Variants in UNC80 observed in about 807,000 individuals in gnomAD.
UNC80 encodes protein unc-80 homolog.
A neutral mutation model predicts 384.6 loss-of-function variants in UNC80; 164 were observed. That is an observed-to-expected ratio of 0.43 (90% CI 0.38 to 0.49). The LOEUF is 0.49. Ranked by LOEUF, UNC80 falls within the 20% of genes least tolerant of loss-of-function variation. The pLI, the probability that UNC80 is intolerant of heterozygous loss-of-function variation, is 0.00. For synonymous variants in UNC80, 1,486 were observed against 1,527.8 expected (o/e 0.97, Z 0.64); for missense variants, 3,330 against 4,143.0 (o/e 0.80, Z 5.39).
At chr2:209,969,611 C>T in intron 52 of UNC80, 157 bp from the exon 53 acceptor site, 2 of 984,122 alleles carry the variant, frequency 2.0e-6, no homozygotes, top group Non-Finnish European at 2.9e-6. Flanking sequence ...ATCTTCTTCC[C>T]CTCCCAGTAT....
intron 3 of UNC80, 123 bp from the exon 4 acceptor site, chr2:209,777,135 C>G: frequency 8.7e-7 from 1 of 1,148,106 alleles, no homozygotes; most frequent in Non-Finnish European, 1.2e-6. Context: ...AGAATGAGCC[C>G]TGCTAGCAGT....
intron 33 of UNC80, among the ~76,000 whole-genome samples, chr2:209,918,948 T>C (rs998005625): frequency 2.0e-5 from 3 of 152,192 alleles, no homozygotes; most frequent in African/African-American, 7.2e-5. Flanking sequence ...CTTTTGCCTC[T>C]ATTTATTACA....
rs574820009 is a variant in UNC80 at position 209,786,027 on chromosome 2, A to C, written c.601-39A>C. ...ATTGGTCCCTTTAAGCAGCTGTTAC[A>C]TGTCAGTTATTGGACATATATCTTC... On this transcript the variant is annotated intron_variant, in intron 4 of 64. Transcript: ENST00000673920. 1.9e-4 allele frequency: 306 copies of C among 1,603,768 alleles called. 1 individual carries two copies. In the South Asian group the frequency reaches 3.2e-3, roughly 17 times the overall value.
intron 30 of UNC80, among the ~76,000 whole-genome samples, chr2:209,913,216 CA>C (rs1263046672): frequency 6.6e-6 from 1 of 152,080 alleles, no homozygotes; most frequent in Non-Finnish European, 1.5e-5. Context: ...TTCTCCCCCC[CA>C]AAAAAATTGT....
At chr2:209,935,859 C>G in intron 40 of UNC80, 51 bp downstream of exon 40, 3 of 1,092,868 alleles carry the variant, frequency 2.7e-6, no homozygotes, top group Non-Finnish European at 4.0e-6. Context: ...GCTATGGCCA[C>G]CTCACTGAAG....
intron 21 of UNC80, among the ~76,000 whole-genome samples, chr2:209,843,933 G>A (rs969331175): frequency 1.2e-4 from 19 of 152,216 alleles, no homozygotes; most frequent in African/African-American, 4.3e-4. Flanking sequence ...ACTTAGTTCA[G>A]CATAATGAAG....
intron 23 of UNC80, among the ~76,000 whole-genome samples, chr2:209,875,820 C>T (rs2084729198): frequency 6.6e-6 from 1 of 152,168 alleles, no homozygotes; most frequent in Admixed American, 6.5e-5. Context: ...ACTTTGAGAC[C>T]TTCTGTGAGA....
At chr2:209,842,302 T>TA in intron 20 of UNC80, 48 bp from the exon 21 acceptor site, 2 of 1,374,166 alleles carry the variant, frequency 1.5e-6, no homozygotes, top group South Asian at 2.6e-5. Context: ...CACAAAGATT[T>TA]ACCTTTGAAT....
At chr2:209,775,289 C>T (rs1243819587) in intron 2 of UNC80, among the ~76,000 whole-genome samples, 2 of 151,994 alleles carry the variant, frequency 1.3e-5, no homozygotes, top group African/African-American at 2.4e-5. Flanking sequence ...TCCCTCCCTC[C>T]TTCCTGCTCT....
chr2:209,808,551 G>T (rs570738835), intron 7 of UNC80, among the ~76,000 whole-genome samples: 3 of 151,570 alleles, frequency 2.0e-5, no homozygotes, highest in Middle Eastern at 3.4e-3. Context: ...AAAGTAAGGC[G>T]GGCCCAGGCT....
At position 209,976,284 on chromosome 2, in the gene UNC80, G is replaced by A. The variant is rs772317430; in HGVS notation, c.8753G>A (p.Arg2918His). ...CGAATACCCATCTTTGTGCTTTTGCGCCCTTTCATCCAGTGCAAGGTGTGG... is the reference window on the plus strand; with the variant it reads ...CGAATACCCATCTTTGTGCTTTTGCACCCTTTCATCCAGTGCAAGGTGTGG... ...RTRIPIFVLLRPFIQCKLLAQ... is the reference protein window; with the variant it reads ...RTRIPIFVLLHPFIQCKLLAQ... Residue 2918 changes from arginine to histidine, a missense_variant, in exon 57 of 65, where the codon CGC becomes CAC. Physicochemically the swap from Arg to His is conservative, Grantham distance 29 (BLOSUM62 0). This residue lies in a region of UNC80 where 1,049 missense variants were observed against 1,488.6 expected (regional missense o/e 0.70). Transcript: ENST00000673920. The surrounding 1 kb of genome is among the most constrained non-coding windows in gnomAD (Gnocchi z 4.3). 36 of 1,551,582 alleles carry A rather than the reference G, an allele frequency of 2.3e-5. No individual in the cohort carries two copies. The highest frequency in any genetic ancestry group is 9.8e-5 in the East Asian group (4 of 40,906).
chr2:209,990,012 A>G (rs2093363464), intron 61 of UNC80, among the ~76,000 whole-genome samples: 1 of 152,198 alleles, frequency 6.6e-6, no homozygotes, highest in African/African-American at 2.4e-5. Flanking sequence ...GGTGCATTCC[A>G]TGATGAAATG....
In UNC80 at chr2:209,906,452, G is replaced by T. The variant is rs543506708; in HGVS notation, c.4782+1487G>T. The stretch of plus-strand genomic sequence containing the variant: ...TACATTTCATTGACAAGTGCCTTTT[G>T]ATTCTTAAAAACCATTGCAAGAGTT... On this transcript the variant is annotated intron_variant, in intron 29 of 64. Transcript: ENST00000673920. 1.5e-3 allele frequency among the ~76,000 whole-genome samples: 229 copies of T among 152,196 alleles called. 8 individuals are homozygous for T. In the South Asian group the frequency reaches 0.047, roughly 31 times the overall value.
rs1350116922 is a variant in UNC80, at chr2:209,819,175, T to G, written c.1876T>G (p.Cys626Gly). 6.4e-7 allele frequency: 1 copy of G among 1,552,178 alleles called. No homozygotes were observed. Among genetic ancestry groups the G allele is most frequent in the East Asian group, 2.4e-5 (1 of 40,922 alleles). The change falls in exon 12 of 65, where the codon TGC (cysteine) becomes GGC (glycine). Residue 626 changes from cysteine to glycine, a missense_variant. This residue lies in a region of UNC80 where 937 missense variants were observed against 1,026.8 expected (regional missense o/e 0.91). Coordinates refer to ENST00000673920, the MANE Select transcript of UNC80 (RefSeq NM_001371986.1). ...ANLPRSLTDS[C>G]INYSYLEDTE... ...CCTACCTCGAAGCCTCACAGACTCCTGCATAAACTACAGCTACCTAGAGGA... is the reference window on the plus strand; with the variant it reads ...CCTACCTCGAAGCCTCACAGACTCCGGCATAAACTACAGCTACCTAGAGGA...
intron 59 of UNC80, among the ~76,000 whole-genome samples, chr2:209,980,501 T>C (rs2093131814): frequency 6.6e-6 from 1 of 152,172 alleles, no homozygotes; most frequent in South Asian, 2.1e-4. Context: ...ATCGTAACCA[T>C]CCCAATGAAA....
chr2:209,972,888 G>A (rs1048828959), intron 55 of UNC80, among the ~76,000 whole-genome samples, 176 bp from the exon 56 acceptor site: 7 of 152,158 alleles, frequency 4.6e-5, no homozygotes, highest in Non-Finnish European at 8.8e-5. Flanking sequence ...AAATACTCAG[G>A]TGCCAGGAAC....
chr2:209,911,266 A>G (rs1208668670), intron 29 of UNC80, among the ~76,000 whole-genome samples: 2 of 152,176 alleles, frequency 1.3e-5, no homozygotes, highest in South Asian at 2.1e-4. Context: ...AACTATTGCT[A>G]TATATGATTT....
intron 49 of UNC80, 94 bp downstream of exon 49, chr2:209,957,830 A>C: frequency 8.9e-7 from 1 of 1,122,792 alleles, no homozygotes. Context: ...AACATAGTCA[A>C]TATTGAGTGT....
At chr2:209,812,532 A>T (rs1314110348) in intron 7 of UNC80, among the ~76,000 whole-genome samples, 1 of 152,160 alleles carries the variant, frequency 6.6e-6, no homozygotes, top group Non-Finnish European at 1.5e-5. Flanking sequence ...AGCACTTTGT[A>T]TGTGGGTAGC....
Sources: allele counts gnomAD v4.1 joint callset (sites outside exome capture counted in the v4.1 genomes callset), GRCh38; gene constraint gnomAD v4.1.1; regional missense constraint gnomAD v4.1.1; non-coding constraint Gnocchi (gnomAD v3.1); transcripts MANE v1.5; gene names NCBI Gene and HGNC (gene_info 2026-07-23, HGNC 2026-07-21).